Variants in CD28 observed in about 807,000 individuals in gnomAD.
The protein encoded by CD28 is CD28 molecule.
Under a neutral mutation model 21.4 loss-of-function variants are expected in CD28, and 8 were observed. The observed-to-expected ratio is 0.37, with a 90% CI of 0.22 to 0.68. The LOEUF is 0.68. Among genes scored for constraint, CD28 ranks in the 30% least tolerant of loss-of-function variants. CD28 has a pLI of 0.55. For missense variants in CD28, 239 were observed against 272.2 expected, an observed-to-expected ratio of 0.88 and a Z score of 0.86; for synonymous variants, 106 against 104.0, an observed-to-expected ratio of 1.02 and a Z score of -0.12.
At chr2:203,707,517 A>C (rs1302018749) in intron 1 of CD28, among the ~76,000 whole-genome samples, 1 of 152,184 alleles carries the variant, frequency 6.6e-6, no homozygotes, top group Non-Finnish European at 1.5e-5. Context: ...CTGCTACAAC[A>C]CCAATATTAA....
chr2:203,710,830 T>C (rs1693292501), intron 1 of CD28, among the ~76,000 whole-genome samples: 1 of 152,194 alleles, frequency 6.6e-6, no homozygotes, highest in South Asian at 2.1e-4. Context: ...CAAAGCACAA[T>C]TGTTTCCCAG....
chr2:203,721,479 C>T (rs1293891213), intron 1 of CD28, among the ~76,000 whole-genome samples: 1 of 152,082 alleles, frequency 6.6e-6, no homozygotes, highest in Non-Finnish European at 1.5e-5. Flanking sequence ...TCTCCCTTGC[C>T]CAGACTACTC....
intron 1 of CD28, among the ~76,000 whole-genome samples, chr2:203,713,914 C>A (rs1364333810): frequency 6.9e-6 from 1 of 145,288 alleles, no homozygotes; most frequent in Admixed American, 6.9e-5. Flanking sequence ...TGTAGCATTG[C>A]AGGGCTTGAG....
rs116436826 is a variant in CD28 at position 203,715,357 on chromosome 2, A to C, written c.52+8609A>C. On this transcript the variant is annotated intron_variant, in intron 1 of 3. Coordinates refer to ENST00000324106, the MANE Select transcript of CD28 (RefSeq NM_006139.4). The stretch of plus-strand genomic sequence containing the variant: ...GGGGAGTTGTCTGGTGGCTCTTGGT[A>C]TGGGTTCCACTTTCATGTAAGTTAA... Among the ~76,000 whole-genome samples, 1,401 of 152,214 alleles carry C rather than the reference A, an allele frequency of 9.2e-3. 22 individuals are homozygous for C. The highest frequency in any genetic ancestry group is 0.033 in the African/African-American group (1,355 of 41,518).
intron 3 of CD28, among the ~76,000 whole-genome samples, chr2:203,733,273 G>A (rs570095251): frequency 6.6e-5 from 10 of 152,258 alleles, no homozygotes; most frequent in Admixed American, 2.0e-4. Context: ...ATCCCTCCCC[G>A]TTGTGATGAT....
chr2:203,715,830 C>T lies in CD28; in HGVS notation c.52+9082C>T, dbSNP rs114371275. ...TGGGTCGGTTTCCATTCCTGTTCAC[C>T]ATCAGTCTGTAAAACTGAGCACCAA... On this transcript the variant is annotated intron_variant, in intron 1 of 3. Transcript: ENST00000324106. Among the ~76,000 whole-genome samples, 1,101 of 152,200 alleles carry T rather than the reference C, an allele frequency of 7.2e-3. 9 individuals carry two copies. The highest frequency in any genetic ancestry group is 0.025 in the African/African-American group (1,040 of 41,524).
intron 1 of CD28, among the ~76,000 whole-genome samples, chr2:203,714,715 C>T (rs769077072): frequency 1.3e-5 from 2 of 152,086 alleles, no homozygotes; most frequent in South Asian, 2.1e-4. Context: ...TTTGTCGGGT[C>T]TAACAAGGCA....
intron 1 of CD28, among the ~76,000 whole-genome samples, chr2:203,711,923 G>A (rs1490492058): frequency 6.6e-6 from 1 of 152,178 alleles, no homozygotes; most frequent in Non-Finnish European, 1.5e-5. Context: ...CGGATATGGT[G>A]CCTCACACCT....
chr2:203,727,632 CCACGCCTGGCT>C (rs922256977), intron 2 of CD28, among the ~76,000 whole-genome samples: 1 of 146,606 alleles, frequency 6.8e-6, no homozygotes, highest in African/African-American at 2.5e-5. Context: ...GGGCCCGCCA[CCACGCCTGGCT>C]TATTTTTTGT....
intron 2 of CD28, among the ~76,000 whole-genome samples, chr2:203,727,999 A>G (rs1167488591): frequency 6.6e-6 from 1 of 150,804 alleles, no homozygotes; most frequent in African/African-American, 2.4e-5. Context: ...TTTAGTAGAG[A>G]CGGGGTTTCA....
At chr2:203,730,237 G>C (rs971628078) in intron 3 of CD28, among the ~76,000 whole-genome samples, 2 of 152,122 alleles carry the variant, frequency 1.3e-5, no homozygotes, top group African/African-American at 4.8e-5. Flanking sequence ...AACTAGATCT[G>C]TTTATCTGAG....
chr2:203,714,979 G>C (rs1245207728), intron 1 of CD28, among the ~76,000 whole-genome samples: 1 of 152,152 alleles, frequency 6.6e-6, no homozygotes. Context: ...TTACCTGGAG[G>C]TTCTGTATAT....
At chr2:203,723,422 G>A (rs1680436735) in intron 1 of CD28, among the ~76,000 whole-genome samples, 1 of 151,884 alleles carries the variant, frequency 6.6e-6, no homozygotes, top group African/African-American at 2.4e-5. Context: ...GGGTGGCAGA[G>A]GCTGCAGTGA....
chr2:203,723,000 A>G (rs767990994), intron 1 of CD28, among the ~76,000 whole-genome samples: 1 of 152,254 alleles, frequency 6.6e-6, no homozygotes, highest in Non-Finnish European at 1.5e-5. Flanking sequence ...AACTTAAAAA[A>G]TATGAATGGA....
chr2:203,723,615 C>T (rs577602617), intron 1 of CD28, among the ~76,000 whole-genome samples: 18 of 152,074 alleles, frequency 1.2e-4, no homozygotes, highest in African/African-American at 4.3e-4. Flanking sequence ...AAGAATAGAC[C>T]AATGGCTAAT....
chr2:203,734,651 A>G, intron 3 of CD28, 133 bp from the exon 4 acceptor site: 3 of 1,042,198 alleles, frequency 2.9e-6, no homozygotes, highest in South Asian at 1.4e-5. Context: ...ACCCAAGTCC[A>G]AGGTGCTCAA....
intron 3 of CD28, among the ~76,000 whole-genome samples, chr2:203,731,830 T>A (rs894391268): frequency 5.9e-5 from 9 of 152,202 alleles, no homozygotes; most frequent in African/African-American, 2.2e-4. Context: ...TTTATTTTTG[T>A]TTTACTTTGT....
At chr2:203,719,994 T>G (rs1408734772) in intron 1 of CD28, among the ~76,000 whole-genome samples, 1 of 147,742 alleles carries the variant, frequency 6.8e-6, no homozygotes, top group Non-Finnish European at 1.5e-5. Context: ...GCAAGAGTTG[T>G]TTTTTTTTGT....
At chr2:203,710,372 A>T (rs1375491374) in intron 1 of CD28, among the ~76,000 whole-genome samples, 1 of 152,236 alleles carries the variant, frequency 6.6e-6, no homozygotes, top group Non-Finnish European at 1.5e-5. Flanking sequence ...CTGCAAAATT[A>T]ATATCAATAT....
Sources: allele counts gnomAD v4.1 joint callset (sites outside exome capture counted in the v4.1 genomes callset), GRCh38; gene constraint gnomAD v4.1.1; transcripts MANE v1.5; gene names NCBI Gene and HGNC (gene_info 2026-07-23, HGNC 2026-07-21).